Variants in CASC3 observed in about 807,000 individuals in gnomAD.
The protein encoded by CASC3 is CASC3 exon junction complex subunit.
CASC3 carries 30 observed loss-of-function variants against 80.5 expected under a neutral mutation model. The observed-to-expected ratio is 0.37, with a 90% CI of 0.28 to 0.51. The LOEUF is 0.51. Ranked by LOEUF, CASC3 falls within the 20% of genes least tolerant of loss-of-function variation. CASC3 has a pLI of 0.94. For synonymous variants in CASC3, 312 were observed against 333.6 expected (o/e 0.94, Z 0.70); for missense variants, 824 against 922.2 (o/e 0.89, Z 1.38).
intron 8 of CASC3, 129 bp downstream of exon 8, chr17:40,166,990 G>A (rs1214082057): frequency 1.8e-5 from 12 of 664,098 alleles, no homozygotes; most frequent in East Asian, 1.2e-4. Flanking sequence ...ACAGAGTCTC[G>A]CTCTGTTGCC....
At chr17:40,142,284 T>G (rs1393113487) in intron 3 of CASC3, among the ~76,000 whole-genome samples, 1 of 152,242 alleles carries the variant, frequency 6.6e-6, no homozygotes, top group East Asian at 1.9e-4. Flanking sequence ...ATTCCTATCT[T>G]TAGAGATCTT....
Position 40,162,163 on chromosome 17 carries a change from A to G in CASC3, c.608+10A>G, listed in dbSNP as rs1412215432. On this transcript the variant is annotated intron_variant, in intron 5 of 13. Coordinates refer to ENST00000264645, the MANE Select transcript of CASC3 (RefSeq NM_007359.5). The stretch of plus-strand genomic sequence containing the variant: ...AGGAGGAGGAAGTCAGGTAAAAGCC[A>G]CTTGCTGCTGCTGCTGTCTAACATG... The G allele has an allele frequency of 1.2e-6, 2 of 1,609,906 alleles. No homozygotes were observed. Among genetic ancestry groups the G allele is most frequent in the African/African-American group, 2.7e-5 (2 of 74,634 alleles).
chr17:40,161,886 G>C lies in CASC3; in HGVS notation c.431G>C (p.Gly144Ala). The C allele has an allele frequency of 6.2e-7, 1 of 1,614,174 alleles. No individual in the cohort carries two copies. The highest frequency in any genetic ancestry group is 8.5e-7 in the Non-Finnish European group (1 of 1,180,038). The change falls in exon 4 of 14, where the codon GGA becomes GCA. Residue 144 changes from glycine to alanine, a missense_variant. Physicochemically the swap from Gly to Ala is moderately conservative, Grantham distance 60 (BLOSUM62 0). Around this residue, in one of 3 missense-constraint regions of CASC3, gnomAD observed 201 missense variants for 294.1 expected, o/e 0.68. Coordinates refer to ENST00000264645, the MANE Select transcript of CASC3 (RefSeq NM_007359.5). ...CCTGACACCAAAAGCACTGTGACTG[G>C]AGAGAGGCAAAGTGGGGACGGACAG... is the stretch of plus-strand genomic sequence containing the variant. ...EKPDTKSTVT[G>A]ERQSGDGQES...
At chr17:40,154,258 A>C (rs1989088964) in intron 3 of CASC3, among the ~76,000 whole-genome samples, 1 of 151,928 alleles carries the variant, frequency 6.6e-6, no homozygotes, top group Non-Finnish European at 1.5e-5. Context: ...TATTATCCAG[A>C]GTGGTCTCAA....
chr17:40,146,973 G>A (rs920386924), intron 3 of CASC3, among the ~76,000 whole-genome samples: 4 of 152,174 alleles, frequency 2.6e-5, no homozygotes, highest in South Asian at 2.1e-4. Flanking sequence ...ATCAGGGACC[G>A]TCTGTAGTCA....
At chr17:40,169,530 GGT>G (rs1989540446) in intron 12 of CASC3, 66 bp from the exon 13 acceptor site, 1 of 1,574,582 alleles carries the variant, frequency 6.4e-7, no homozygotes, top group Non-Finnish European at 8.6e-7. Context: ...TCATTTTCTG[GGT>G]GTGTTTCTCT....
At chr17:40,160,326 C>T (rs1195273922) in intron 3 of CASC3, among the ~76,000 whole-genome samples, 1 of 151,942 alleles carries the variant, frequency 6.6e-6, no homozygotes, top group Non-Finnish European at 1.5e-5. Context: ...GACCTCGTCT[C>T]TACTAAAAAT....
At chr17:40,170,034 G>A (rs1989557593) in intron 13 of CASC3, among the ~76,000 whole-genome samples, 1 of 152,046 alleles carries the variant, frequency 6.6e-6, no homozygotes, top group South Asian at 2.1e-4. Context: ...GGGATTACAG[G>A]TGTGAGCCAC....
chr17:40,163,048 C>A, intron 6 of CASC3, 147 bp downstream of exon 6: 1 of 526,326 alleles, frequency 1.9e-6, no homozygotes, highest in South Asian at 3.5e-5. Context: ...TAGTGAGACC[C>A]TGTCTCCAAA....
chr17:40,163,753 G>T lies in CASC3; in HGVS notation c.1058G>T (p.Arg353Leu), dbSNP rs755077795. The change falls in exon 7 of 14, where the codon CGC (arginine) becomes CTC (leucine). Residue 353 changes from arginine (R) to leucine (L), a missense_variant. Transcript: ENST00000264645. ...CATGAGATTAGTTACCGGTCACGGCGCCTAGAGCAGACTTCTGTGAGGGAT... is the reference window on the plus strand; with the variant it reads ...CATGAGATTAGTTACCGGTCACGGCTCCTAGAGCAGACTTCTGTGAGGGAT... Reference protein sequence around the residue: ...VKHEISYRSRRLEQTSVRDPS... With the variant: ...VKHEISYRSRLLEQTSVRDPS... 2.7e-5 allele frequency: 44 copies of T among 1,613,996 alleles called. No homozygotes were observed. The highest frequency in any genetic ancestry group is 3.6e-5 in the Non-Finnish European group (42 of 1,180,034).
At position 40,171,655 on chromosome 17, in the gene CASC3, C is replaced by G. The variant is rs1158820467; in HGVS notation, c.*1250C>G. The G allele has an allele frequency of 9.9e-7, 1 of 1,012,758 alleles. No homozygotes were observed. Among genetic ancestry groups the G allele is most frequent in the Non-Finnish European group, 1.2e-6 (1 of 846,232 alleles). The allele number at this position is 1,012,758 out of a possible 1,614,324, so 62.7% of individuals were successfully genotyped here. ...TTCCTCCCTATCCATGGCACTAAAC[C>G]ACTTCTCTGCTGCCTCTGTGGAAGA... On this transcript the variant is annotated 3_prime_UTR_variant, in exon 14 of 14. Coordinates refer to ENST00000264645, the MANE Select transcript of CASC3 (RefSeq NM_007359.5).
chr17:40,154,636 G>T (rs903863274), intron 3 of CASC3, among the ~76,000 whole-genome samples: 1 of 150,128 alleles, frequency 6.7e-6, no homozygotes, highest in Non-Finnish European at 1.5e-5. Flanking sequence ...TTCCCTTTCT[G>T]TGGATTGTTC....
intron 3 of CASC3, among the ~76,000 whole-genome samples, chr17:40,152,959 T>C (rs1456601283): frequency 6.6e-6 from 1 of 151,840 alleles, no homozygotes; most frequent in Non-Finnish European, 1.5e-5. Context: ...TTATTTTTAG[T>C]AGAGACAGGG....
intron 3 of CASC3, among the ~76,000 whole-genome samples, chr17:40,154,845 A>C (rs897061155): frequency 6.6e-6 from 1 of 152,072 alleles, no homozygotes; most frequent in Non-Finnish European, 1.5e-5. Context: ...TCTTTGATTC[A>C]TTTTGAGTTA....
chr17:40,146,972 C>T (rs550155460), intron 3 of CASC3, among the ~76,000 whole-genome samples: 2 of 152,206 alleles, frequency 1.3e-5, no homozygotes, highest in Admixed American at 6.5e-5. Flanking sequence ...CATCAGGGAC[C>T]GTCTGTAGTC....
intron 5 of CASC3, 64 bp from the exon 6 acceptor site, chr17:40,162,661 T>C: frequency 6.5e-7 from 1 of 1,541,740 alleles, no homozygotes; most frequent in Non-Finnish European, 8.9e-7. Context: ...ACCCATTTTG[T>C]TCAAGAACAT....
chr17:40,140,872 G>A (rs927566160), intron 1 of CASC3, 93 bp downstream of exon 1: 7 of 988,146 alleles, frequency 7.1e-6, no homozygotes, highest in African/African-American at 3.3e-5. Flanking sequence ...TGAGTTGATA[G>A]TAGATACTGG....
At chr17:40,166,403 CA>C (rs1567684426) in intron 7 of CASC3, among the ~76,000 whole-genome samples, 1 of 152,196 alleles carries the variant, frequency 6.6e-6, no homozygotes, top group Non-Finnish European at 1.5e-5. Flanking sequence ...AGTAGATTTA[CA>C]AAGCATCCCT....
chr17:40,142,611 C>G (rs1021965506), intron 3 of CASC3, among the ~76,000 whole-genome samples: 1 of 151,940 alleles, frequency 6.6e-6, no homozygotes, highest in African/African-American at 2.4e-5. Context: ...ATCTCTGGCC[C>G]GGCGCGGTGG....
Sources: gnomAD v4.1 joint callset for allele counts (sites outside exome capture counted in the v4.1 genomes callset) on GRCh38, gnomAD v4.1.1 for gene constraint, gnomAD v4.1.1 regional missense constraint, MANE v1.5 for transcripts, NCBI Gene and HGNC (gene_info 2026-07-23, HGNC 2026-07-21) for gene names.